The following IFT88 variants were observed in gnomAD, a reference collection of about 807,000 sequenced individuals.
The protein encoded by IFT88 is intraflagellar transport protein 88 homolog.
In IFT88, 74 loss-of-function variants were observed where a neutral mutation model predicts 119.5. The observed-to-expected ratio is 0.62, with a 90% CI of 0.51 to 0.75. The LOEUF (loss-of-function observed/expected upper bound fraction) is 0.75. IFT88 is among the 30% of genes least tolerant of loss of function. IFT88 has a pLI of 0.00. For synonymous variants in IFT88, 279 were observed against 316.7 expected (o/e 0.88, Z 1.26); for missense variants, 961 against 977.7 (o/e 0.98, Z 0.23).
intron 1 of IFT88, among the ~76,000 whole-genome samples, chr13:20,572,268 G>T (rs1327864572): frequency 1.3e-5 from 2 of 151,946 alleles, no homozygotes; most frequent in African/African-American, 2.4e-5. Flanking sequence ...ACCCAGGTTG[G>T]AGTGCAGTGG....
chr13:20,605,131 G>C, intron 13 of IFT88, 26 bp downstream of exon 13: 2 of 929,200 alleles, frequency 2.2e-6, no homozygotes, highest in Non-Finnish European at 3.3e-6. Flanking sequence ...TAATAACGTA[G>C]TTATTAATTA....
At chr13:20,686,409 TA>T (rs1226078566) in intron 24 of IFT88, among the ~76,000 whole-genome samples, 2 of 152,202 alleles carry the variant, frequency 1.3e-5, no homozygotes, top group Admixed American at 1.3e-4. Flanking sequence ...ATGCTTAAGG[TA>T]AAAGTCACCC....
chr13:20,689,915 C>G (rs2058317848), intron 24 of IFT88, among the ~76,000 whole-genome samples: 1 of 152,084 alleles, frequency 6.6e-6, no homozygotes, highest in Non-Finnish European at 1.5e-5. Context: ...GTAAAATATA[C>G]TAAAGTGTGT....
intron 20 of IFT88, among the ~76,000 whole-genome samples, chr13:20,652,299 T>C (rs1267156691): frequency 6.6e-6 from 1 of 152,170 alleles, no homozygotes; most frequent in Non-Finnish European, 1.5e-5. Flanking sequence ...GTAGGTAAAT[T>C]GTATGGTATA....
At chr13:20,569,270 A>G (rs928793092) in intron 1 of IFT88, among the ~76,000 whole-genome samples, 1 of 152,006 alleles carries the variant, frequency 6.6e-6, no homozygotes, top group African/African-American at 2.4e-5. Flanking sequence ...TAAATTGTAT[A>G]TCATCAAAAT....
chr13:20,686,864 G>A (rs892021418), intron 24 of IFT88, among the ~76,000 whole-genome samples: 1 of 151,646 alleles, frequency 6.6e-6, no homozygotes, highest in Non-Finnish European at 1.5e-5. Context: ...TATGTAGTTA[G>A]CCCCTTAACC....
rs529051607 is a variant in IFT88 at position 20,618,207 on chromosome 13, A to C, written c.1199+2328A>C. ...AGCGCTGGGATTATGGTCGTGAGCC[A>C]CTGCGCCTGGCCGGATCAAAACTTT... On this transcript the variant is annotated intron_variant, in intron 14 of 25. Coordinates refer to ENST00000351808, the MANE Select transcript of IFT88 (RefSeq NM_006531.5). Among the ~76,000 whole-genome samples the C allele has an allele frequency of 5.3e-5, 8 of 152,350 alleles. No homozygotes were observed. In the East Asian group the frequency reaches 1.5e-3, roughly 29 times the overall value.
intron 15 of IFT88, among the ~76,000 whole-genome samples, chr13:20,628,724 T>C (rs1325850712): frequency 6.6e-6 from 1 of 152,204 alleles, no homozygotes; most frequent in Non-Finnish European, 1.5e-5. Context: ...TAATATGAAG[T>C]GTTATTACTT....
intron 22 of IFT88, 185 bp from the exon 23 acceptor site, chr13:20,663,313 C>T: frequency 1.3e-6 from 2 of 1,506,266 alleles, no homozygotes; most frequent in South Asian, 2.4e-5. Flanking sequence ...TTTAAACCTC[C>T]TTCCAAGGAA....
chr13:20,591,535 A>G (rs185836677), intron 5 of IFT88, 83 bp from the exon 6 acceptor site: 24 of 969,988 alleles, frequency 2.5e-5, no homozygotes, highest in Admixed American at 2.3e-4. Context: ...AAATAGGGCT[A>G]TATTAAGGTG....
At chr13:20,618,071 C>T (rs923925476) in intron 14 of IFT88, among the ~76,000 whole-genome samples, 1 of 152,096 alleles carries the variant, frequency 6.6e-6, no homozygotes. Flanking sequence ...CGAAAGCCAC[C>T]GTGAAGCCCA....
intron 16 of IFT88, among the ~76,000 whole-genome samples, chr13:20,632,290 C>T (rs1000161190): frequency 7.9e-5 from 12 of 152,048 alleles, no homozygotes; most frequent in Non-Finnish European, 1.2e-4. Flanking sequence ...GGAAATGATC[C>T]GAGATTTAAT....
At chr13:20,629,606 G>A (rs1239023789) in intron 15 of IFT88, among the ~76,000 whole-genome samples, 1 of 152,120 alleles carries the variant, frequency 6.6e-6, no homozygotes, top group Non-Finnish European at 1.5e-5. Context: ...TCTAACCAAA[G>A]TATCTGAAAT....
Position 20,690,805 on chromosome 13 carries a change from C to G in IFT88, c.2343C>G (p.Asn781Lys). 6.2e-7 allele frequency: 1 copy of G among 1,610,474 alleles called. No homozygotes were observed. Among genetic ancestry groups the G allele is most frequent in the Non-Finnish European group, 8.5e-7 (1 of 1,176,778 alleles). ...ATGAACCTTATGAAAGTAGCAGTAACAAAGAAATAGGCAAGTACTCTCCAC... is the reference window on the plus strand; with the variant it reads ...ATGAACCTTATGAAAGTAGCAGTAAGAAAGAAATAGGCAAGTACTCTCCAC... ...GTNEPYESSS[N>K]KEIDASYVDP... is the part of the protein sequence containing the mutation. The change falls in exon 25 of 26, where the codon AAC becomes AAG. Residue 781 changes from asparagine (N) to lysine (K), a missense_variant. By Grantham distance (94) the Asn-to-Lys change is moderately conservative. Coordinates refer to ENST00000351808, the MANE Select transcript of IFT88 (RefSeq NM_006531.5).
chr13:20,657,749 G>A (rs1440670875), intron 22 of IFT88, among the ~76,000 whole-genome samples: 1 of 151,718 alleles, frequency 6.6e-6, no homozygotes, highest in African/African-American at 2.4e-5. Context: ...CCAATAGAGC[G>A]AGATTCTGTC....
chr13:20,585,315 T>C (rs2039468353), intron 3 of IFT88, among the ~76,000 whole-genome samples: 1 of 152,184 alleles, frequency 6.6e-6, no homozygotes, highest in Non-Finnish European at 1.5e-5. Context: ...TGAAATCTCC[T>C]ATACTTACAG....
intron 14 of IFT88, among the ~76,000 whole-genome samples, chr13:20,622,898 A>G (rs2046759953): frequency 6.6e-6 from 1 of 152,184 alleles, no homozygotes. Context: ...TAAATTGTCA[A>G]ATCTAATGTC....
At chr13:20,608,182 C>G (rs1259791197) in intron 13 of IFT88, 2 of 302,976 alleles carry the variant, frequency 6.6e-6, no homozygotes, top group Non-Finnish European at 1.3e-5. Context: ...CCAGACTGTT[C>G]TGCGACGGCT....
At chr13:20,592,262 G>GT in intron 6 of IFT88, 73 bp from the exon 7 acceptor site, 1 of 1,128,744 alleles carries the variant, frequency 8.9e-7, no homozygotes, top group Non-Finnish European at 1.3e-6. Context: ...CTTATGCGAG[G>GT]TTTTATATTT....
Sources: gnomAD v4.1 joint callset for allele counts (sites outside exome capture counted in the v4.1 genomes callset) on GRCh38, gnomAD v4.1.1 for gene constraint, MANE v1.5 for transcripts, NCBI Gene and HGNC (gene_info 2026-07-23, HGNC 2026-07-21) for gene names.